Variants in BMPER observed in about 807,000 individuals in gnomAD.
BMPER encodes the protein BMP-binding endothelial regulator protein.
A neutral mutation model predicts 87.3 loss-of-function variants in BMPER; 45 were observed. That is an observed-to-expected ratio of 0.52 (90% CI 0.41 to 0.66). BMPER has a LOEUF of 0.66. Among genes scored for constraint, BMPER ranks in the 30% least tolerant of loss-of-function variants. The pLI is 0.00. For synonymous variants in BMPER, 326 were observed against 316.2 expected (o/e 1.03, Z -0.33); for missense variants, 784 against 867.5 (o/e 0.90, Z 1.21).
intron 6 of BMPER, among the ~76,000 whole-genome samples, chr7:34,025,548 G>A (rs905411337): frequency 6.6e-6 from 1 of 152,026 alleles, no homozygotes; most frequent in Admixed American, 6.6e-5. Context: ...CAAGAAGGAG[G>A]ATCTACCCTT....
At chr7:34,110,834 G>C (rs562543449) in intron 13 of BMPER, among the ~76,000 whole-genome samples, 1 of 152,240 alleles carries the variant, frequency 6.6e-6, no homozygotes, top group South Asian at 2.1e-4. Context: ...GAAGAATTAG[G>C]TATGGAACAA....
At chr7:34,118,564 A>G (rs1790175908) in intron 13 of BMPER, among the ~76,000 whole-genome samples, 1 of 152,144 alleles carries the variant, frequency 6.6e-6, no homozygotes, top group Admixed American at 6.5e-5. Flanking sequence ...CCTGTGTGGC[A>G]TGTATGTGGT....
chr7:33,988,697 G>A (rs996261587), intron 6 of BMPER, among the ~76,000 whole-genome samples: 18 of 151,576 alleles, frequency 1.2e-4, no homozygotes, highest in Admixed American at 8.5e-4. Flanking sequence ...CATGTGCCAT[G>A]CTGGTGCGCT....
At chr7:33,989,874 TC>T (rs1562672777) in intron 6 of BMPER, among the ~76,000 whole-genome samples, 1 of 152,208 alleles carries the variant, frequency 6.6e-6, no homozygotes, top group African/African-American at 2.4e-5. Context: ...AAATAGGGAA[TC>T]CTTTCCCCAT....
At chr7:34,107,969 G>A (rs1013040040) in intron 13 of BMPER, among the ~76,000 whole-genome samples, 3 of 152,114 alleles carry the variant, frequency 2.0e-5, no homozygotes, top group African/African-American at 4.8e-5. Context: ...ACCATTATAT[G>A]AGGTATATAT....
At chr7:33,914,047 C>A (rs572163972) in intron 2 of BMPER, among the ~76,000 whole-genome samples, 7 of 151,368 alleles carry the variant, frequency 4.6e-5, no homozygotes, top group Non-Finnish European at 7.4e-5. Context: ...CTGCAAGCTC[C>A]GCCTCCCGGG....
intron 12 of BMPER, among the ~76,000 whole-genome samples, chr7:34,085,300 T>A (rs73316411): frequency 0.011 from 1,660 of 152,310 alleles, 31 homozygotes; most frequent in African/African-American, 0.037. Flanking sequence ...CCTTTGGCAT[T>A]GGGGGAATAA....
rs371676663 is a variant in BMPER at position 33,966,530 on chromosome 7, C to T, written c.371C>T (p.Pro124Leu). The change falls in exon 4 of 15, where the codon CCG (proline) becomes CTG (leucine). Residue 124 changes from proline (P) to leucine (L), a missense_variant. Pro to Leu is a moderately conservative substitution (Grantham distance 98). Coordinates refer to ENST00000649409, the MANE Select transcript of BMPER (RefSeq NM_001365308.1). ...TYNSSFKWQS[P>L]AEPCVLRQCQ... ...AACAGCTCCTTCAAATGGCAGAGCC[C>T]GGCTGAGCCTTGTGTTCTACGCCAG... is the stretch of plus-strand genomic sequence containing the variant. The T allele has an allele frequency of 1.5e-5, 25 of 1,613,672 alleles. No homozygotes were observed. The highest frequency in any genetic ancestry group is 7.7e-5 in the South Asian group (7 of 91,066).
intron 4 of BMPER, among the ~76,000 whole-genome samples, chr7:33,967,033 T>TTAAA (rs1259051925): frequency 6.6e-6 from 1 of 152,156 alleles, no homozygotes; most frequent in Admixed American, 6.5e-5. Context: ...ACCTGACAAA[T>TTAAA]TAAAAAACCA....
chr7:33,934,794 G>T (rs765693584), intron 2 of BMPER, among the ~76,000 whole-genome samples: 1 of 152,206 alleles, frequency 6.6e-6, no homozygotes, highest in South Asian at 2.1e-4. Flanking sequence ...GAGGAGATGC[G>T]CTTGGGAGTG....
chr7:33,946,336 C>A (rs2128612042), intron 3 of BMPER, among the ~76,000 whole-genome samples: 1 of 152,248 alleles, frequency 6.6e-6, no homozygotes, highest in African/African-American at 2.4e-5. Context: ...AGGAACACAG[C>A]CAAACAGTAT....
At chr7:34,137,659 T>C (rs1201664122) in intron 13 of BMPER, among the ~76,000 whole-genome samples, 2 of 152,230 alleles carry the variant, frequency 1.3e-5, no homozygotes, top group African/African-American at 4.8e-5. Context: ...GGAATTTGAA[T>C]TAAGTCTTAA....
intron 3 of BMPER, among the ~76,000 whole-genome samples, chr7:33,964,785 C>CA (rs1785362761): frequency 6.6e-6 from 1 of 152,048 alleles, no homozygotes; most frequent in African/African-American, 2.4e-5. Context: ...CTATTAGCAG[C>CA]AAAAAATCAC....
intron 11 of BMPER, among the ~76,000 whole-genome samples, chr7:34,068,101 G>T (rs1266258088): frequency 6.6e-6 from 1 of 152,134 alleles, no homozygotes; most frequent in South Asian, 2.1e-4. Flanking sequence ...TATTTATTTG[G>T]CATCTGCCGT....
intron 6 of BMPER, among the ~76,000 whole-genome samples, chr7:34,027,344 G>A (rs1374141440): frequency 6.6e-6 from 1 of 152,090 alleles, no homozygotes; most frequent in African/African-American, 2.4e-5. Flanking sequence ...GACATGAGGT[G>A]TACTAGTTGT....
At position 34,007,848 on chromosome 7, in the gene BMPER, C is replaced by T. The variant is rs73329114; in HGVS notation, c.576+33064C>T. Among the ~76,000 whole-genome samples the T allele has an allele frequency of 6.0e-3, 911 of 151,894 alleles. 5 individuals carry two copies. Among genetic ancestry groups the T allele is most frequent in the African/African-American group, 0.021 (858 of 41,470 alleles). ...ACTAGAGTTATTGGATCAAAGAGCA[C>T]ATGTATGTTAATTGTTTTAGGGTAC... On this transcript the variant is annotated intron_variant, in intron 6 of 14. Coordinates refer to ENST00000649409, the MANE Select transcript of BMPER (RefSeq NM_001365308.1).
chr7:34,021,354 C>A (rs1585744875), intron 6 of BMPER, among the ~76,000 whole-genome samples: 1 of 152,008 alleles, frequency 6.6e-6, no homozygotes, highest in South Asian at 2.1e-4. Flanking sequence ...AGATTTTAAT[C>A]TGACTTACTG....
chr7:33,980,767 G>A (rs1479280094), intron 6 of BMPER, among the ~76,000 whole-genome samples: 1 of 152,124 alleles, frequency 6.6e-6, no homozygotes, highest in Non-Finnish European at 1.5e-5. Context: ...GCTGACAAAG[G>A]CGTATTAAGT....
intron 6 of BMPER, among the ~76,000 whole-genome samples, chr7:34,036,662 A>G (rs1286366932): frequency 6.6e-6 from 1 of 152,138 alleles, no homozygotes; most frequent in Non-Finnish European, 1.5e-5. Flanking sequence ...TTCCCAGGGC[A>G]TTTGTTTAGA....
Sources: gnomAD v4.1 joint callset for allele counts (sites outside exome capture counted in the v4.1 genomes callset) on GRCh38, gnomAD v4.1.1 for gene constraint, MANE v1.5 for transcripts, NCBI Gene and HGNC (gene_info 2026-07-23, HGNC 2026-07-21) for gene names.